Variants in CLK4 observed in about 807,000 individuals in gnomAD.
CLK4 encodes the protein CDC like kinase 4, also known as dual specificity protein kinase CLK4.
A neutral mutation model predicts 64.4 loss-of-function variants in CLK4; 37 were observed. The observed-to-expected ratio is 0.57, with a 90% CI of 0.44 to 0.76. CLK4 has a LOEUF of 0.76. Among genes scored for constraint, CLK4 ranks in the 30% least tolerant of loss-of-function variants. The pLI, the probability that CLK4 is intolerant of heterozygous loss-of-function variation, is 0.00. For missense variants in CLK4, 457 were observed against 605.1 expected, an observed-to-expected ratio of 0.76 and a Z score of 2.57; for synonymous variants, 175 against 191.6, an observed-to-expected ratio of 0.91 and a Z score of 0.72.
At chr5:178,625,486 G>C (rs1262332500) in intron 1 of CLK4, among the ~76,000 whole-genome samples, 2 of 150,620 alleles carry the variant, frequency 1.3e-5, no homozygotes, top group Non-Finnish European at 2.9e-5. Flanking sequence ...GAAGCGTTCC[G>C]TCAAATACCA....
chr5:178,613,971 A>G, intron 5 of CLK4, 128 bp from the exon 6 acceptor site: 1 of 628,022 alleles, frequency 1.6e-6, no homozygotes, highest in Non-Finnish European at 2.8e-6. Context: ...AGAACATATT[A>G]TAGCAGATTC....
intron 9 of CLK4, among the ~76,000 whole-genome samples, chr5:178,611,260 C>T (rs1246046769): frequency 6.6e-6 from 1 of 152,172 alleles, no homozygotes; most frequent in Non-Finnish European, 1.5e-5. Context: ...TCTCTGTCCA[C>T]TATCTCTTCC....
At chr5:178,624,309 A>T (rs184623659) in intron 1 of CLK4, among the ~76,000 whole-genome samples, 10 of 152,324 alleles carry the variant, frequency 6.6e-5, no homozygotes, top group South Asian at 2.1e-4. Context: ...TACAAAAAAA[A>T]TTTTTTTAAA....
At chr5:178,622,237 T>C (rs1764717508) in intron 2 of CLK4, 1 of 161,794 alleles carries the variant, frequency 6.2e-6, no homozygotes, top group South Asian at 2.0e-4. Flanking sequence ...TGTACATTAA[T>C]TATTAATTAT....
intron 10 of CLK4, among the ~76,000 whole-genome samples, chr5:178,607,281 ATTG>A (rs1469566879): frequency 2.6e-5 from 4 of 152,046 alleles, no homozygotes; most frequent in East Asian, 3.9e-4. Flanking sequence ...ATCCTTGCCT[ATTG>A]TTATAATTTT....
chr5:178,609,747 A>G (rs922679561), intron 9 of CLK4, among the ~76,000 whole-genome samples: 4 of 147,850 alleles, frequency 2.7e-5, no homozygotes, highest in African/African-American at 9.8e-5. Flanking sequence ...ATATATATAT[A>G]TATATATATA....
chr5:178,621,639 C>T (rs1764707698), intron 2 of CLK4, among the ~76,000 whole-genome samples: 2 of 152,080 alleles, frequency 1.3e-5, no homozygotes, highest in Non-Finnish European at 2.9e-5. Context: ...TATGCTTGGC[C>T]TTTCAAAACA....
chr5:178,608,536 G>A (rs932325881), intron 9 of CLK4, 78 bp from the exon 10 acceptor site: 3 of 1,042,338 alleles, frequency 2.9e-6, no homozygotes, highest in Non-Finnish European at 4.3e-6. Flanking sequence ...CCCTATATGA[G>A]TGCTCCCTTT....
chr5:178,604,001 T>C (rs978529931), intron 11 of CLK4, 67 bp from the exon 12 acceptor site: 4 of 1,177,764 alleles, frequency 3.4e-6, no homozygotes, highest in East Asian at 2.3e-5. Flanking sequence ...CCTGCACCCA[T>C]GAGGGGAGAC....
intron 9 of CLK4, 58 bp downstream of exon 9, chr5:178,612,358 G>C: frequency 6.7e-7 from 1 of 1,496,076 alleles, no homozygotes; most frequent in Non-Finnish European, 9.0e-7. Context: ...CAGTAAAGCT[G>C]TAAAGAACAA....
In CLK4 at chr5:178,617,267, G is replaced by GC. The variant is rs769090703; in HGVS notation, c.475+76dup. 9 of 1,150,986 alleles carry GC rather than the reference G, an allele frequency of 7.8e-6. No homozygotes were observed. The highest frequency in any genetic ancestry group is 4.7e-5 in the East Asian group (2 of 42,276). 71.3% of individuals were successfully genotyped at this position (1,150,986 alleles called of 1,614,324 possible). A position where few individuals can be genotyped will look rare whatever the true frequency, so the allele number is the denominator to read the frequency against. On this transcript the variant is annotated intron_variant, in intron 4 of 12. Coordinates refer to ENST00000316308, the MANE Select transcript of CLK4 (RefSeq NM_020666.3). The surrounding 1 kb of genome is among the most constrained non-coding windows in gnomAD (Gnocchi z 5.2). The stretch of plus-strand genomic sequence containing the variant: ...TAAAAAAGCAATGAAGAGTTCTTTA[G>GC]CCCCCCGCTGACAAACTATTCTTAA...
In CLK4 at chr5:178,618,557, G is replaced by T. The variant is rs372852819; in HGVS notation, c.383C>A (p.Ser128Ter). ...AATTGAAAACAAAACCAATCATACCGAACGTGACTGATGACTTGAACAGTG... is the reference window on the plus strand; with the variant it reads ...AATTGAAAACAAAACCAATCATACCTAACGTGACTGATGACTTGAACAGTG... ...NRHCSSHQSRSKSHRRKRSRS... is the reference protein window; with the variant it reads ...NRHCSSHQSR The change falls in exon 3 of 13, where the codon TCG becomes TAG. Residue 128 changes from serine to a stop codon, truncating the protein, a stop_gained and splice_region_variant. Coordinates refer to ENST00000316308, the MANE Select transcript of CLK4 (RefSeq NM_020666.3). LOFTEE classifies it high-confidence loss of function. The T allele has an allele frequency of 1.9e-6, 3 of 1,611,106 alleles. No individual in the cohort carries two copies. Among genetic ancestry groups the T allele is most frequent in the Non-Finnish European group, 2.5e-6 (3 of 1,178,022 alleles).
At position 178,617,456 on chromosome 5, in the gene CLK4, A is replaced by C. The variant is rs1253845759; in HGVS notation, c.385-22T>G. The C allele has an allele frequency of 1.9e-6, 3 of 1,582,426 alleles. No individual in the cohort carries two copies. The African/African-American group carries it at 4.0e-5, about 21-fold the overall frequency. ...TCTTCTGGAACGGCAAGTGGGCAGC[A>C]CCAAGATCGTCCAGCCAATCAATAT... is the stretch of plus-strand genomic sequence containing the variant. On this transcript the variant is annotated intron_variant, in intron 3 of 12. Transcript: ENST00000316308. The surrounding 1 kb of genome is among the most constrained non-coding windows in gnomAD (Gnocchi z 5.2).
chr5:178,620,797 A>G (rs1764697698), intron 2 of CLK4: 1 of 245,792 alleles, frequency 4.1e-6, no homozygotes, highest in Admixed American at 4.8e-5. Flanking sequence ...AAAAGGTTAC[A>G]ACACATGAGT....
chr5:178,614,291 G>A (rs763972509), intron 5 of CLK4, among the ~76,000 whole-genome samples: 41 of 152,306 alleles, frequency 2.7e-4, no homozygotes, highest in Non-Finnish European at 5.1e-4. Flanking sequence ...AAACAACTTA[G>A]ACTTCTTCAC....
intron 7 of CLK4, 76 bp downstream of exon 7, chr5:178,613,397 T>A: frequency 1.5e-5 from 16 of 1,066,368 alleles, no homozygotes; most frequent in Non-Finnish European, 1.9e-5. Flanking sequence ...CCAGCCTGGG[T>A]GACAGAGCGA....
At chr5:178,605,465 CCTT>C in intron 10 of CLK4, 83 bp from the exon 11 acceptor site, 1 of 807,614 alleles carries the variant, frequency 1.2e-6, no homozygotes, top group South Asian at 2.0e-5. Flanking sequence ...ATTTTAGTTT[CCTT>C]CTTTATTTGC....
chr5:178,618,459 T>C (rs1205912799), intron 3 of CLK4, 97 bp downstream of exon 3: 4 of 371,850 alleles, frequency 1.1e-5, no homozygotes, highest in Non-Finnish European at 1.8e-5. Flanking sequence ...CAAATAGTAT[T>C]TTATATATAT....
intron 5 of CLK4, among the ~76,000 whole-genome samples, 157 bp downstream of exon 5, chr5:178,616,725 G>A (rs1764632852): frequency 6.6e-6 from 1 of 152,174 alleles, no homozygotes; most frequent in Admixed American, 6.5e-5. Context: ...GAAGCCGGGA[G>A]GCGGCAGTTG....
Sources: gnomAD v4.1 joint callset for allele counts (sites outside exome capture counted in the v4.1 genomes callset) on GRCh38, gnomAD v4.1.1 for gene constraint, Gnocchi (gnomAD v3.1) non-coding constraint, MANE v1.5 for transcripts, NCBI Gene and HGNC (gene_info 2026-07-23, HGNC 2026-07-21) for gene names.